LAMA2: variants seen among roughly 807,000 people sequenced by gnomAD.
The protein encoded by LAMA2 is laminin subunit alpha-2.
A neutral mutation model predicts 364.8 loss-of-function variants in LAMA2; 269 were observed. The observed-to-expected ratio is 0.74, with a 90% CI of 0.67 to 0.82. The LOEUF (loss-of-function observed/expected upper bound fraction) is 0.82, where lower values mean the gene tolerates loss of function less well. LAMA2 is among the 40% of genes least tolerant of loss of function. The pLI is 0.00. For missense variants in LAMA2, 3,807 were observed against 3,873.2 expected, an observed-to-expected ratio of 0.98 and a Z score of 0.45; for synonymous variants, 1,379 against 1,370.6, an observed-to-expected ratio of 1.01 and a Z score of -0.14.
intron 3 of LAMA2, among the ~76,000 whole-genome samples, chr6:129,082,705 T>TA (rs1774139338): frequency 6.6e-6 from 1 of 152,156 alleles, no homozygotes; most frequent in Non-Finnish European, 1.5e-5. Flanking sequence ...AGACTAGCTT[T>TA]AATTCTCTTG....
At chr6:128,976,805 T>G (rs1301497407) in intron 1 of LAMA2, among the ~76,000 whole-genome samples, 1 of 152,172 alleles carries the variant, frequency 6.6e-6, no homozygotes, top group Non-Finnish European at 1.5e-5. Context: ...GGTTCTGTGT[T>G]GTAAGTCATT....
intron 12 of LAMA2, among the ~76,000 whole-genome samples, chr6:129,239,388 AG>A (rs1785239318): frequency 1.3e-5 from 2 of 152,204 alleles, no homozygotes. Flanking sequence ...ACCCTATATA[AG>A]CTTTAGCTCT....
chr6:129,184,419 C>G (rs927350266), intron 10 of LAMA2, among the ~76,000 whole-genome samples: 3 of 151,890 alleles, frequency 2.0e-5, no homozygotes, highest in African/African-American at 7.2e-5. Context: ...CAGACTCTCT[C>G]CTTGACCAAA....
chr6:128,937,891 CT>C (rs971892780), intron 1 of LAMA2, among the ~76,000 whole-genome samples: 6 of 148,224 alleles, frequency 4.0e-5, no homozygotes, highest in South Asian at 2.1e-4. Context: ...CATTTTAGAT[CT>C]TTTTTTTTAA....
At chr6:129,068,018 A>T (rs1773050768) in intron 3 of LAMA2, among the ~76,000 whole-genome samples, 7 of 152,202 alleles carry the variant, frequency 4.6e-5, no homozygotes, top group Admixed American at 4.6e-4. Context: ...TTGAATATTT[A>T]TCTTTCTAAA....
At position 129,040,407 on chromosome 6, in the gene LAMA2, G is replaced by A. The variant is rs149290625; in HGVS notation, c.113-9511G>A. 4.3e-3 allele frequency among the ~76,000 whole-genome samples: 653 copies of A among 152,190 alleles called. 6 individuals are homozygous for A. Among genetic ancestry groups the A allele is most frequent in the African/African-American group, 0.015 (624 of 41,536 alleles). ...AGGTTGAGGTGGGAGGATCACTTGA[G>A]GCCAGGAGTTTGAGATAAACTTGGG... On this transcript the variant is annotated intron_variant, in intron 1 of 64. Coordinates refer to ENST00000421865, the MANE Select transcript of LAMA2 (RefSeq NM_000426.4).
intron 3 of LAMA2, among the ~76,000 whole-genome samples, chr6:129,064,622 A>T (rs961025922): frequency 1.3e-5 from 2 of 152,128 alleles, no homozygotes; most frequent in African/African-American, 2.4e-5. Context: ...AATACAAAGG[A>T]TCATAAGTGA....
At position 129,503,189 on chromosome 6, in the gene LAMA2, G is replaced by A; in HGVS notation, c.8456G>A (p.Arg2819Lys). Reference protein sequence around the residue: ...NHADFATVQLRNGLPYFSYDL... With the variant: ...NHADFATVQLKNGLPYFSYDL... ...GCTGATTTTGCAACAGTTCAGCTGA[G>A]AAATGGATTGCCCTACTTCAGCTAT... Residue 2819 changes from arginine (R) to lysine (K), a missense_variant, in exon 60 of 65, where the codon AGA becomes AAA. By Grantham distance (26) the Arg-to-Lys change is conservative. This residue lies in a region of LAMA2 where 3,333 missense variants were observed against 3,345.7 expected (regional missense o/e 1.00). Transcript: ENST00000421865. 1 of 1,614,142 alleles carries A rather than the reference G, an allele frequency of 6.2e-7. No homozygotes were observed. The highest frequency in any genetic ancestry group is 8.5e-7 in the Non-Finnish European group (1 of 1,180,002).
intron 14 of LAMA2, among the ~76,000 whole-genome samples, chr6:129,258,801 A>G (rs1275629044): frequency 1.3e-5 from 2 of 152,020 alleles, no homozygotes; most frequent in Non-Finnish European, 2.9e-5. Context: ...TTTTTCATTG[A>G]CAGGGTTCCT....
intron 1 of LAMA2, among the ~76,000 whole-genome samples, chr6:128,925,187 G>A (rs1779007898): frequency 6.6e-6 from 1 of 152,178 alleles, no homozygotes; most frequent in African/African-American, 2.4e-5. Context: ...ATAATTAAAA[G>A]CAGGGTCCTG....
At chr6:129,365,400 T>C (rs1777707421) in intron 32 of LAMA2, among the ~76,000 whole-genome samples, 1 of 152,310 alleles carries the variant, frequency 6.6e-6, no homozygotes, top group Non-Finnish European at 1.5e-5. Flanking sequence ...TCTCAGTCTG[T>C]CGCCCAGGCT....
At chr6:129,027,127 A>G (rs542383864) in intron 1 of LAMA2, among the ~76,000 whole-genome samples, 139 of 152,208 alleles carry the variant, frequency 9.1e-4, no homozygotes, top group African/African-American at 3.2e-3. Context: ...AACTTTGAGA[A>G]CAGAGGCCTC....
At position 129,026,382 on chromosome 6, in the gene LAMA2, T is replaced by C. The variant is rs1440026539; in HGVS notation, c.113-23536T>C. Among the ~76,000 whole-genome samples the C allele has an allele frequency of 2.6e-5, 4 of 152,328 alleles. No homozygotes were observed. The East Asian group carries it at 7.7e-4, about 29-fold the overall frequency. On this transcript the variant is annotated intron_variant, in intron 1 of 64. Coordinates refer to ENST00000421865, the MANE Select transcript of LAMA2 (RefSeq NM_000426.4). ...GAGCAGCACAGTGGTAAGAATATTT[T>C]GCATGAAGATGGTTACATAAATATG...
chr6:129,083,134 C>T (rs1308993581), intron 3 of LAMA2, among the ~76,000 whole-genome samples: 3 of 151,962 alleles, frequency 2.0e-5, no homozygotes, highest in African/African-American at 7.2e-5. Flanking sequence ...ATAAAATGGG[C>T]AGCACACTAA....
rs570696604 is a variant in LAMA2 at position 129,438,704 on chromosome 6, T to G, written c.6027T>G (p.Asn2009Lys). ...KTRIENADAR[N>K]GDLLRTLNDT... ...GGATAGAAAATGCTGATGCTAGAAA[T>G]GGGGATCTCTTGAGAACTTTGAATG... Residue 2009 changes from asparagine (N) to lysine (K), a missense_variant, in exon 42 of 65, where the codon AAT becomes AAG. By Grantham distance (94) the Asn-to-Lys change is moderately conservative. Around this residue, in one of 3 missense-constraint regions of LAMA2, gnomAD observed 3,333 missense variants for 3,345.7 expected, o/e 1.00. Transcript: ENST00000421865. 1.7e-5 allele frequency: 28 copies of G among 1,610,428 alleles called. No individual in the cohort carries two copies. In the South Asian group the frequency reaches 2.9e-4, roughly 16 times the overall value.
intron 1 of LAMA2, among the ~76,000 whole-genome samples, chr6:129,013,409 C>T (rs1451296727): frequency 1.3e-5 from 2 of 151,820 alleles, no homozygotes; most frequent in African/African-American, 4.8e-5. Flanking sequence ...TGCAGTCCGG[C>T]CTGGGCGAAA....
At chr6:129,025,856 A>T (rs1218869585) in intron 1 of LAMA2, among the ~76,000 whole-genome samples, 1 of 152,178 alleles carries the variant, frequency 6.6e-6, no homozygotes, top group Non-Finnish European at 1.5e-5. Context: ...AACAAAGTAT[A>T]TGCTCTTTTC....
rs1213072141 is a variant in LAMA2, at chr6:129,300,726, A to G, written c.3038-10A>G. On this transcript the variant is annotated splice_polypyrimidine_tract_variant and intron_variant, in intron 21 of 64. Coordinates refer to ENST00000421865, the MANE Select transcript of LAMA2 (RefSeq NM_000426.4). ...TCCCCTTCTTTGTTTTCCCTCTTATACCGGTGAAGCTTGTGAATGTTCTCA... is the reference window on the plus strand; with the variant it reads ...TCCCCTTCTTTGTTTTCCCTCTTATGCCGGTGAAGCTTGTGAATGTTCTCA... 14 of 1,613,432 alleles carry G rather than the reference A, an allele frequency of 8.7e-6. No homozygotes were observed. The highest frequency in any genetic ancestry group is 1.2e-5 in the Non-Finnish European group (14 of 1,179,460).
intron 37 of LAMA2, among the ~76,000 whole-genome samples, chr6:129,399,527 A>G (rs2114688417): frequency 6.6e-6 from 1 of 152,324 alleles, no homozygotes; most frequent in South Asian, 2.1e-4. Flanking sequence ...ATAGCTTGGG[A>G]GTGAGCAGAG....
Sources: allele counts gnomAD v4.1 joint callset (sites outside exome capture counted in the v4.1 genomes callset), GRCh38; gene constraint gnomAD v4.1.1; regional missense constraint gnomAD v4.1.1; transcripts MANE v1.5; gene names NCBI Gene and HGNC (gene_info 2026-07-23, HGNC 2026-07-21).